PAK3: variants seen among roughly 807,000 people sequenced by gnomAD.
PAK3 encodes p21 (RAC1) activated kinase 3, also known as serine/threonine-protein kinase PAK 3.
In PAK3, 4 loss-of-function variants were observed where a neutral mutation model predicts 41.0. That is an observed-to-expected ratio of 0.10 (90% CI 0.05 to 0.22). The LOEUF (loss-of-function observed/expected upper bound fraction) is 0.22, where lower values mean the gene tolerates loss of function less well. Among genes scored for constraint, PAK3 ranks in the 10% least tolerant of loss-of-function variants. PAK3 has a pLI of 1.00. For missense variants in PAK3, 205 were observed against 409.9 expected (o/e 0.50, Z 4.32); for synonymous variants, 146 against 139.6 (o/e 1.05, Z -0.32).
intron 10 of PAK3, among the ~76,000 whole-genome samples, chrX:111,172,010 C>T (rs539294277): frequency 9.0e-6 from 1 of 111,701 alleles, no homozygotes; most frequent in South Asian, 3.8e-4. Context: ...ATTTCCATCC[C>T]CACACCCTTA....
chrX:110,975,809 A>G (rs2091315947), intron 1 of PAK3, among the ~76,000 whole-genome samples: 1 of 111,481 alleles, frequency 9.0e-6, no homozygotes, highest in Admixed American at 9.5e-5. Flanking sequence ...AACACCACAC[A>G]TCTACAACCA....
chrX:111,026,726 C>T (rs914977387), intron 1 of PAK3, among the ~76,000 whole-genome samples: 31 of 111,847 alleles, frequency 2.8e-4, no homozygotes, highest in African/African-American at 9.1e-4. Flanking sequence ...TGAAAATGAC[C>T]ATACTGCCAA....
At chrX:111,041,329 G>A (rs1415984673) in intron 1 of PAK3, among the ~76,000 whole-genome samples, 2 of 112,015 alleles carry the variant, frequency 1.8e-5, no homozygotes, top group Non-Finnish European at 3.8e-5. Flanking sequence ...CCTCTTGGTA[G>A]TCCTTAGGGA....
At chrX:111,100,655 C>T (rs1379476599) in intron 3 of PAK3, among the ~76,000 whole-genome samples, 1 of 111,885 alleles carries the variant, frequency 8.9e-6, no homozygotes, top group African/African-American at 3.3e-5. Flanking sequence ...TCCTAGACAG[C>T]TTCGGTGCTG....
At chrX:111,122,217 C>T (rs929429880) in intron 4 of PAK3, among the ~76,000 whole-genome samples, 1 of 92,798 alleles carries the variant, frequency 1.1e-5, no homozygotes, top group African/African-American at 4.2e-5. Flanking sequence ...GATTGCGCCA[C>T]TGCACTCCAG....
chrX:111,090,045 A>G (rs1245170638), intron 1 of PAK3, among the ~76,000 whole-genome samples: 1 of 110,513 alleles, frequency 9.0e-6, no homozygotes, highest in Non-Finnish European at 1.9e-5. Context: ...TCTCAAGAAC[A>G]TCTGGAGCCC....
At chrX:111,006,601 A>G (rs1337972720) in intron 1 of PAK3, among the ~76,000 whole-genome samples, 1 of 111,712 alleles carries the variant, frequency 9.0e-6, no homozygotes, top group East Asian at 2.8e-4. Flanking sequence ...CTGATGAAAT[A>G]AAGCCCAACC....
chrX:111,012,807 G>T (rs765007626), intron 1 of PAK3, among the ~76,000 whole-genome samples: 1 of 111,640 alleles, frequency 9.0e-6, no homozygotes, highest in African/African-American at 3.3e-5. Flanking sequence ...TTGAGACAGG[G>T]TCTTTCACTC....
intron 8 of PAK3, among the ~76,000 whole-genome samples, chrX:111,158,977 C>A (rs1002100738): frequency 5.4e-5 from 6 of 111,426 alleles, no homozygotes; most frequent in Admixed American, 1.9e-4. Context: ...GCCTCTAGGG[C>A]CGTTTTTAGA....
intron 1 of PAK3, among the ~76,000 whole-genome samples, chrX:111,028,909 G>A (rs935271531): frequency 1.8e-5 from 2 of 110,777 alleles, no homozygotes; most frequent in South Asian, 3.8e-4. Flanking sequence ...GAGGCCAGAC[G>A]ATTGCTTCAG....
chrX:111,118,468 G>GTA (rs1211078503), intron 4 of PAK3, among the ~76,000 whole-genome samples: 75 of 110,353 alleles, frequency 6.8e-4, no homozygotes, highest in Non-Finnish European at 3.8e-4. Context: ...ATATATATAT[G>GTA]TATATATATC....
At position 111,220,963 on chromosome X, in the gene PAK3, C is replaced by CAAAAAAAAAAAAAAAAAAAAA. The variant is rs1319121618; in HGVS notation, c.*519_*520insAAAAAAAAAAAAAAAAAAAAA. On this transcript the variant is annotated 3_prime_UTR_variant, in exon 18 of 18. Coordinates refer to ENST00000372007, the MANE Select transcript of PAK3 (RefSeq NM_002578.5). ...AGCAAGGCAAAAAAAAAAAAAAAAA[C>CAAAAAAAAAAAAAAAAAAAAA]AAACAAAAACAAAAACAAAACAAAA... 1.8e-5 allele frequency: 1 copy of CAAAAAAAAAAAAAAAAAAAAA among 54,531 alleles called. No individual in the cohort carries two copies. The highest frequency in any genetic ancestry group is 6.5e-5 in the African/African-American group (1 of 15,482). The allele number at this position is 54,531 out of a possible 1,213,427, so 4.5% of individuals were successfully genotyped here.
At chrX:111,016,663 C>G (rs1326075963) in intron 1 of PAK3, among the ~76,000 whole-genome samples, 4 of 103,578 alleles carry the variant, frequency 3.9e-5, no homozygotes, top group Non-Finnish European at 5.8e-5. Flanking sequence ...TCAGTAGACT[C>G]TTTTTGGATG....
Position 111,220,725 on chromosome X carries a change from T to A in PAK3, c.*278T>A. The A allele has an allele frequency of 5.8e-6, 2 of 345,050 alleles. No individual in the cohort carries two copies. The highest frequency in any genetic ancestry group is 1.0e-5 in the Non-Finnish European group (2 of 196,768). 28.4% of individuals were successfully genotyped at this position (345,050 alleles called of 1,213,427 possible). On this transcript the variant is annotated 3_prime_UTR_variant, in exon 18 of 18. Coordinates refer to ENST00000372007, the MANE Select transcript of PAK3 (RefSeq NM_002578.5). ...GAGCCAGTAGTGAATCCCCTCATTT[T>A]GTGCATTCACTTTGAAGAAAAAGGT...
chrX:111,210,137 G>T (rs1156801796), intron 16 of PAK3, among the ~76,000 whole-genome samples: 1 of 111,364 alleles, frequency 9.0e-6, no homozygotes, highest in Non-Finnish European at 1.9e-5. Flanking sequence ...CTGGCCAAAG[G>T]TTGTATTTCT....
rs2094933326 is a variant in PAK3, at chrX:111,222,558, G to T, written c.*2111G>T. 8.9e-6 allele frequency: 1 copy of T among 112,359 alleles called. No individual in the cohort carries two copies. Among genetic ancestry groups the T allele is most frequent in the South Asian group, 3.7e-4 (1 of 2,724 alleles). The allele number at this position is 112,359 out of a possible 1,213,427, so 9.3% of individuals were successfully genotyped here. ...TTAATGCCACACTGCTCTAATGAGA[G>T]AGAGAGGCCTTAATTTTGATTTCAT... On this transcript the variant is annotated 3_prime_UTR_variant, in exon 18 of 18. Transcript: ENST00000372007.
intron 1 of PAK3, among the ~76,000 whole-genome samples, chrX:110,986,163 C>T (rs1036410174): frequency 8.9e-6 from 1 of 112,224 alleles, no homozygotes; most frequent in Non-Finnish European, 1.9e-5. Context: ...AAGCCAGCCT[C>T]ACCAAACTAA....
At chrX:110,946,607 T>C (rs1285675930) in intron 1 of PAK3, among the ~76,000 whole-genome samples, 1 of 112,332 alleles carries the variant, frequency 8.9e-6, no homozygotes, top group Non-Finnish European at 1.9e-5. Context: ...GAATTTCTTT[T>C]AACCAAAAAT....
Position 111,194,352 on chromosome X carries a change from C to T in PAK3, c.1044C>T (p.Gly348=), listed in dbSNP as rs1270219752. Residue 348 remains glycine (G), a synonymous_variant, in exon 14 of 18, where the codon GGC becomes GGT. Coordinates refer to ENST00000372007, the MANE Select transcript of PAK3 (RefSeq NM_002578.5). ...TAGTCATGGAATACTTGGCTGGTGG[C>T]TCTCTGACTGATGTGGTCACAGAGA... ...LWVVMEYLAG[G]SLTDVVTETC... is the part of the protein sequence containing the mutation. 28 of 1,187,405 alleles carry T rather than the reference C, an allele frequency of 2.4e-5. No homozygotes were observed. Among genetic ancestry groups the T allele is most frequent in the Non-Finnish European group, 3.2e-5 (28 of 875,096 alleles).
Sources: gnomAD v4.1 joint callset for allele counts (sites outside exome capture counted in the v4.1 genomes callset) on GRCh38, gnomAD v4.1.1 for gene constraint, MANE v1.5 for transcripts, NCBI Gene and HGNC (gene_info 2026-07-23, HGNC 2026-07-21) for gene names.